The following KLHL36 variants were observed in gnomAD, a reference collection of about 807,000 sequenced individuals.
KLHL36 encodes kelch-like protein 36.
Under a neutral mutation model 53.3 loss-of-function variants are expected in KLHL36, and 35 were observed. The observed-to-expected ratio is 0.66, with a 90% CI of 0.50 to 0.87. KLHL36 has a LOEUF of 0.87. Among genes scored for constraint, KLHL36 ranks in the 40% least tolerant of loss-of-function variants. The pLI, the probability that KLHL36 is intolerant of heterozygous loss-of-function variation, is 0.00. For missense variants in KLHL36, 864 were observed against 897.6 expected (o/e 0.96, Z 0.48); for synonymous variants, 472 against 398.9 (o/e 1.18, Z -2.18).
In KLHL36 at chr16:84,657,901, A is replaced by G. The variant is rs555409936; in HGVS notation, c.1094A>G (p.Asn365Ser). Residue 365 changes from asparagine to serine, a missense_variant, in exon 3 of 5, where the codon AAT (asparagine) becomes AGT (serine). Transcript: ENST00000564996. Reference sequence around the variant, plus strand: ...GACAACGGAGGGGATGCGGCCTCCAATCTTCTTTATAGGTATGACCCCCGC... The same window carrying G: ...GACAACGGAGGGGATGCGGCCTCCAGTCTTCTTTATAGGTATGACCCCCGC... Reference protein sequence around the residue: ...SRDNGGDAASNLLYRYDPRCK... With the variant: ...SRDNGGDAASSLLYRYDPRCK... The G allele has an allele frequency of 3.9e-6, 6 of 1,550,970 alleles. No homozygotes were observed. Among genetic ancestry groups the G allele is most frequent in the African/African-American group, 2.7e-5 (2 of 72,894 alleles).
At chr16:84,660,125 A>G (rs1048903345) in intron 4 of KLHL36, among the ~76,000 whole-genome samples, 3 of 152,168 alleles carry the variant, frequency 2.0e-5, no homozygotes, top group Admixed American at 6.5e-5. Flanking sequence ...GGCAAGGGTC[A>G]GCTCTGCCGC....
rs1174313481 is a variant in KLHL36 at position 84,648,681 on chromosome 16, C to A, written c.-17+32C>A. 6.8e-6 allele frequency: 1 copy of A among 147,786 alleles called. No individual in the cohort carries two copies. Among genetic ancestry groups the A allele is most frequent in the East Asian group, 2.0e-4 (1 of 5,114 alleles). The allele number at this position is 147,786 out of a possible 1,614,324, so 9.2% of individuals were successfully genotyped here. A position where few individuals can be genotyped will look rare whatever the true frequency, so the allele number is the denominator to read the frequency against. On this transcript the variant is annotated intron_variant, in intron 1 of 4. Coordinates refer to ENST00000564996, the MANE Select transcript of KLHL36 (RefSeq NM_024731.4). This position sits in a 1 kb window ranked among gnomAD's most constrained non-coding sequence, Gnocchi z 4.9. Reference sequence around the variant, plus strand: ...CTCCGCGCGCGCCCACCCTCCAGCCCGGGACCGCCAGGAAGCCGCGCCCGG... The same window carrying A: ...CTCCGCGCGCGCCCACCCTCCAGCCAGGGACCGCCAGGAAGCCGCGCCCGG...
In KLHL36 at chr16:84,665,946, C is replaced by G. The variant is rs1907811129; in HGVS notation, c.*3813C>G. 1 of 152,174 alleles carries G rather than the reference C, an allele frequency of 6.6e-6. No homozygotes were observed. Among genetic ancestry groups the G allele is most frequent in the African/African-American group, 2.4e-5 (1 of 41,408 alleles). 9.4% of individuals were successfully genotyped at this position (152,174 alleles called of 1,614,324 possible). On this transcript the variant is annotated 3_prime_UTR_variant, in exon 5 of 5. Transcript: ENST00000564996. ...AGCATCTCATGGGCCTTGTGGCTGT[C>G]AGAGCCCGTGGTTGGAACCCCGTCC...
rs773079613 is a variant in KLHL36, at chr16:84,656,944, G to A, written c.137G>A (p.Cys46Tyr). 6.2e-7 allele frequency: 1 copy of A among 1,613,648 alleles called. No individual in the cohort carries two copies. The highest frequency in any genetic ancestry group is 8.5e-7 in the Non-Finnish European group (1 of 1,180,038). Reference sequence around the variant, plus strand: ...GAGCAGCGTCTCCGCGGGCTCTTCTGCGACGTCGTCCTGGTGGCCGATGAG... The same window carrying A: ...GAGCAGCGTCTCCGCGGGCTCTTCTACGACGTCGTCCTGGTGGCCGATGAG... ...LNEQRLRGLF[C>Y]DVVLVADEQR... The change falls in exon 3 of 5, where the codon TGC (cysteine) becomes TAC (tyrosine). Residue 46 changes from cysteine to tyrosine, a missense_variant. Physicochemically the swap from Cys to Tyr is radical, Grantham distance 194. Coordinates refer to ENST00000564996, the MANE Select transcript of KLHL36 (RefSeq NM_024731.4).
At chr16:84,656,022 A>G (rs1907179463) in intron 2 of KLHL36, among the ~76,000 whole-genome samples, 1 of 151,906 alleles carries the variant, frequency 6.6e-6, no homozygotes, top group Non-Finnish European at 1.5e-5. Context: ...CCTCCTGAGC[A>G]GCTGGGACTA....
At position 84,662,430 on chromosome 16, in the gene KLHL36, T is replaced by G; in HGVS notation, c.*297T>G. 1.6e-5 allele frequency: 4 copies of G among 249,730 alleles called. No homozygotes were observed. The highest frequency in any genetic ancestry group is 7.4e-5 in the East Asian group (1 of 13,460). 15.5% of individuals were successfully genotyped at this position (249,730 alleles called of 1,614,324 possible). On this transcript the variant is annotated 3_prime_UTR_variant, in exon 5 of 5. Coordinates refer to ENST00000564996, the MANE Select transcript of KLHL36 (RefSeq NM_024731.4). ...TCCTTGCTGACTGTCCCCCTGAGAG[T>G]AGCTGGCACGTGGGTAACACAGAAA... is the stretch of plus-strand genomic sequence containing the variant.
intron 2 of KLHL36, among the ~76,000 whole-genome samples, chr16:84,656,091 G>T (rs1442022560): frequency 1.3e-5 from 2 of 151,728 alleles, no homozygotes; most frequent in Non-Finnish European, 2.9e-5. Context: ...CAGGAATCTC[G>T]CTATGTTGCC....
chr16:84,661,194 A>G lies in KLHL36; in HGVS notation c.1296-384A>G, dbSNP rs1907522664. Among the ~76,000 whole-genome samples, 1 of 152,108 alleles carries G rather than the reference A, an allele frequency of 6.6e-6. No individual in the cohort carries two copies. The highest frequency in any genetic ancestry group is 1.5e-5 in the Non-Finnish European group (1 of 68,034). On this transcript the variant is annotated intron_variant, in intron 4 of 4. Transcript: ENST00000564996. The surrounding 1 kb of genome is among the most constrained non-coding windows in gnomAD (Gnocchi z 7.9). Reference sequence around the variant, plus strand: ...GCCAGCACAGTTAGAATTGGACTGTATGTCGTATTTCCTCTTTGATGTGTG... The same window carrying G: ...GCCAGCACAGTTAGAATTGGACTGTGTGTCGTATTTCCTCTTTGATGTGTG...
Position 84,663,646 on chromosome 16 carries a change from C to T in KLHL36, c.*1513C>T, listed in dbSNP as rs925120012. 1 of 152,210 alleles carries T rather than the reference C, an allele frequency of 6.6e-6. No individual in the cohort carries two copies. The highest frequency in any genetic ancestry group is 6.5e-5 in the Admixed American group (1 of 15,280). 9.4% of individuals were successfully genotyped at this position (152,210 alleles called of 1,614,324 possible). On this transcript the variant is annotated 3_prime_UTR_variant, in exon 5 of 5. Transcript: ENST00000564996. The stretch of plus-strand genomic sequence containing the variant: ...CGAGAGCAGGTCTCGATGTCACTTG[C>T]CCTTTAAGAGGGCTCTCAGCTGCTC...
At chr16:84,660,077 G>T (rs967721680) in intron 4 of KLHL36, among the ~76,000 whole-genome samples, 160 bp downstream of exon 4, 1 of 152,280 alleles carries the variant, frequency 6.6e-6, no homozygotes, top group South Asian at 2.1e-4. Flanking sequence ...GGCGGAGGGC[G>T]TGACGGTGCA....
intron 3 of KLHL36, chr16:84,659,536 T>C: frequency 1.9e-6 from 1 of 518,678 alleles, no homozygotes; most frequent in South Asian, 2.6e-5. Context: ...TTTTGGGGAC[T>C]CAGAGCGTCT....
rs190179918 is a variant in KLHL36, at chr16:84,662,996, G to A, written c.*863G>A. On this transcript the variant is annotated 3_prime_UTR_variant, in exon 5 of 5. Coordinates refer to ENST00000564996, the MANE Select transcript of KLHL36 (RefSeq NM_024731.4). ...ACCCACTGTCTTTTATATTACTGAT[G>A]TACTGAGCTCCCAAATCTGTTTATT... The A allele has an allele frequency of 4.2e-5, 6 of 144,322 alleles. No homozygotes were observed. In the East Asian group the frequency reaches 1.0e-3, roughly 24 times the overall value. The allele number at this position is 144,322 out of a possible 1,614,324, so 8.9% of individuals were successfully genotyped here.
At chr16:84,651,170 C>T (rs989655899) in intron 2 of KLHL36, among the ~76,000 whole-genome samples, 9 of 151,988 alleles carry the variant, frequency 5.9e-5, no homozygotes, top group South Asian at 4.1e-4. Flanking sequence ...TGTGACATTC[C>T]GGAGCTTTCT....
chr16:84,654,166 G>A (rs747558288), intron 2 of KLHL36, among the ~76,000 whole-genome samples: 3 of 152,212 alleles, frequency 2.0e-5, no homozygotes, highest in Non-Finnish European at 2.9e-5. Flanking sequence ...CCTCACCAGC[G>A]TGGAGACAGC....
At chr16:84,650,216 G>A (rs1018619567) in intron 1 of KLHL36, among the ~76,000 whole-genome samples, 1 of 152,044 alleles carries the variant, frequency 6.6e-6, no homozygotes, top group Admixed American at 6.6e-5. Context: ...AAGCACTTGG[G>A]GACAGTGTGT....
Position 84,662,384 on chromosome 16 carries a change from C to T in KLHL36, c.*251C>T, listed in dbSNP as rs4783041. ...CTTGTATCTTCACAGGTCTTTGCCC[C>T]GTGTTATGATTCCTCATGGGTCCTT... is the stretch of plus-strand genomic sequence containing the variant. On this transcript the variant is annotated 3_prime_UTR_variant, in exon 5 of 5. Transcript: ENST00000564996. The T allele has an allele frequency of 0.27, 99,483 of 370,978 alleles. 14,844 individuals are homozygous for T. The highest frequency in any genetic ancestry group is 0.32 in the Non-Finnish European group (64,523 of 202,772). The allele number at this position is 370,978 out of a possible 1,614,324, so 23.0% of individuals were successfully genotyped here. A position where few individuals can be genotyped will look rare whatever the true frequency, so the allele number is the denominator to read the frequency against.
chr16:84,661,447 A>C lies in KLHL36; in HGVS notation c.1296-131A>C. 1 of 864,072 alleles carries C rather than the reference A, an allele frequency of 1.2e-6. No individual in the cohort carries two copies. Among genetic ancestry groups the C allele is most frequent in the Non-Finnish European group, 1.8e-6 (1 of 560,232 alleles). 53.5% of individuals were successfully genotyped at this position (864,072 alleles called of 1,614,324 possible). ...GACGGCTACTGTCTATAGAGTGTTC[A>C]TGGGGTGCCCACTCCCTATATTCTT... is the stretch of plus-strand genomic sequence containing the variant. On this transcript the variant is annotated intron_variant, in intron 4 of 4. Coordinates refer to ENST00000564996, the MANE Select transcript of KLHL36 (RefSeq NM_024731.4). The surrounding 1 kb of genome is among the most constrained non-coding windows in gnomAD (Gnocchi z 7.9).
chr16:84,656,248 CT>C (rs577400514), intron 2 of KLHL36, among the ~76,000 whole-genome samples: 183 of 149,110 alleles, frequency 1.2e-3, no homozygotes, highest in African/African-American at 4.3e-3. Flanking sequence ...TTTGTTTTTT[CT>C]TGTTTGTTTT....
rs546365572 is a variant in KLHL36, at chr16:84,661,981, G to T, written c.1699G>T (p.Val567Leu). The T allele has an allele frequency of 1.1e-5, 18 of 1,597,574 alleles. No individual in the cohort carries two copies. The highest frequency in any genetic ancestry group is 1.7e-4 in the Middle Eastern group (1 of 6,038). The stretch of plus-strand genomic sequence containing the variant: ...CACTGCCTTCTCCAAGACCGTGCAG[G>T]TGTACGACCGCGAGGCCGACAAGTG... Reference protein sequence around the residue: ...ENTAFSKTVQVYDREADKWSR... With the variant: ...ENTAFSKTVQLYDREADKWSR... Residue 567 changes from valine to leucine, a missense_variant, in exon 5 of 5, where the codon GTG becomes TTG. Transcript: ENST00000564996. This position sits in a 1 kb window ranked among gnomAD's most constrained non-coding sequence, Gnocchi z 7.9.
Sources: allele counts gnomAD v4.1 joint callset (sites outside exome capture counted in the v4.1 genomes callset), GRCh38; gene constraint gnomAD v4.1.1; non-coding constraint Gnocchi (gnomAD v3.1); transcripts MANE v1.5; gene names NCBI Gene and HGNC (gene_info 2026-07-23, HGNC 2026-07-21).